Variants in FIG4 observed in about 807,000 individuals in gnomAD.
FIG4 encodes the protein polyphosphoinositide phosphatase.
Under a neutral mutation model 118.6 loss-of-function variants are expected in FIG4, and 112 were observed. The observed-to-expected ratio is 0.94, with a 90% CI of 0.81 to 1.11. The LOEUF is 1.11. Among genes scored for constraint, FIG4 ranks in the 50% least tolerant of loss-of-function variants. The probability of loss-of-function intolerance (pLI) is 0.00; values close to 1 mark genes in which losing one functional copy is unlikely to be tolerated. For missense variants in FIG4, 969 were observed against 1,111.7 expected (o/e 0.87, Z 1.83); for synonymous variants, 369 against 381.2 (o/e 0.97, Z 0.37).
intron 1 of FIG4, among the ~76,000 whole-genome samples, chr6:109,703,100 T>A (rs1331139465): frequency 3.9e-5 from 3 of 76,014 alleles, no homozygotes; most frequent in African/African-American, 1.1e-4. Context: ...TAGAAGTTCA[T>A]TTTTTTTTTA....
chr6:109,752,739 G>T (rs1291545157), intron 10 of FIG4, among the ~76,000 whole-genome samples: 1 of 152,108 alleles, frequency 6.6e-6, no homozygotes, highest in Non-Finnish European at 1.5e-5. Flanking sequence ...CTAGATATTA[G>T]CCCTTAGTCA....
intron 1 of FIG4, among the ~76,000 whole-genome samples, chr6:109,713,442 A>G (rs1207626601): frequency 6.6e-6 from 1 of 152,092 alleles, no homozygotes; most frequent in Non-Finnish European, 1.5e-5. Context: ...GTGGTCACTG[A>G]GGGCTGGGGA....
In FIG4 at chr6:109,817,562, AGT is replaced by A. The variant is rs200759123; in HGVS notation, c.2547-7521_2547-7520del. On this transcript the variant is annotated intron_variant, in intron 22 of 22. Transcript: ENST00000230124. The stretch of plus-strand genomic sequence containing the variant: ...CCTTTTTATTTTACAGCTCTCAGAG[AGT>A]GTGTAAAAAAAAAAAAAAAGAGTAT... Among the ~76,000 whole-genome samples, 547 of 134,140 alleles carry A rather than the reference AGT, an allele frequency of 4.1e-3. 6 individuals carry two copies. Among genetic ancestry groups the A allele is most frequent in the African/African-American group, 4.7e-3 (188 of 39,956 alleles). 88.0% of individuals were successfully genotyped at this position (134,140 alleles called of 152,430 possible).
chr6:109,697,553 CAG>C (rs1473830176), intron 1 of FIG4, among the ~76,000 whole-genome samples: 1 of 152,118 alleles, frequency 6.6e-6, no homozygotes, highest in Non-Finnish European at 1.5e-5. Context: ...CTGCTTCATC[CAG>C]AGAGAGTTAT....
At position 109,791,546 on chromosome 6, in the gene FIG4, C is replaced by G. The variant is rs1778138677; in HGVS notation, c.2351C>G (p.Ala784Gly). 2.5e-6 allele frequency: 4 copies of G among 1,613,918 alleles called. No homozygotes were observed. In the East Asian group the frequency reaches 6.7e-5, roughly 27 times the overall value. ...TCCACTCCCGTGAAGATGACTGATGCAGGAGACAGTGCCAAAGTGACCGAG... is the reference window on the plus strand; with the variant it reads ...TCCACTCCCGTGAAGATGACTGATGGAGGAGACAGTGCCAAAGTGACCGAG... ...QRSTPVKMTD[A>G]GDSAKVTENV... Residue 784 changes from alanine to glycine, a missense_variant, in exon 20 of 23, where the codon GCA (alanine) becomes GGA (glycine). Physicochemically the swap from Ala to Gly is moderately conservative, Grantham distance 60. This residue lies in a region of FIG4 where 330 missense variants were observed against 348.1 expected (regional missense o/e 0.95). Coordinates refer to ENST00000230124, the MANE Select transcript of FIG4 (RefSeq NM_014845.6).
rs575078176 is a variant in FIG4, at chr6:109,709,320, C to T, written c.67-5758C>T. On this transcript the variant is annotated intron_variant, in intron 1 of 22. Transcript: ENST00000230124. ...TTCTCTATTCTGTTCTATTGGTCTGCGTGTCTGTTTTTGTACCAGTACCAT... is the reference window on the plus strand; with the variant it reads ...TTCTCTATTCTGTTCTATTGGTCTGTGTGTCTGTTTTTGTACCAGTACCAT... Among the ~76,000 whole-genome samples the T allele has an allele frequency of 1.4e-4, 22 of 152,088 alleles. No individual in the cohort carries two copies. In the South Asian group the frequency reaches 4.4e-3, roughly 30 times the overall value.
At chr6:109,724,961 A>G (rs1262589636) in intron 3 of FIG4, among the ~76,000 whole-genome samples, 2 of 152,096 alleles carry the variant, frequency 1.3e-5, no homozygotes, top group African/African-American at 4.8e-5. Flanking sequence ...TTTTTCATCT[A>G]TGCAAAACTA....
chr6:109,816,029 A>G (rs1476389090), intron 22 of FIG4, among the ~76,000 whole-genome samples: 1 of 152,204 alleles, frequency 6.6e-6, no homozygotes, highest in Non-Finnish European at 1.5e-5. Flanking sequence ...AGATAAAAAA[A>G]TACAGAATCC....
chr6:109,731,221 T>C (rs1200552929), intron 4 of FIG4, among the ~76,000 whole-genome samples: 5 of 152,210 alleles, frequency 3.3e-5, no homozygotes, highest in African/African-American at 9.6e-5. Context: ...TTGTATACTA[T>C]GAGTTATACA....
rs1029597509 is a variant in FIG4 at position 109,787,868 on chromosome 6, T to G, written c.2096+1419T>G. Among the ~76,000 whole-genome samples, 3 of 152,326 alleles carry G rather than the reference T, an allele frequency of 2.0e-5. No homozygotes were observed. The South Asian group carries it at 6.2e-4, about 32-fold the overall frequency. On this transcript the variant is annotated intron_variant, in intron 18 of 22. Coordinates refer to ENST00000230124, the MANE Select transcript of FIG4 (RefSeq NM_014845.6). ...TCAATACATAACCTAGTTTTGTGTA[T>G]GTTTTTGTTTAAAGACAGAAACGTA...
Position 109,825,323 on chromosome 6 carries a change from C to T in FIG4, c.*58C>T, listed in dbSNP as rs1195068013. On this transcript the variant is annotated 3_prime_UTR_variant, in exon 23 of 23. Coordinates refer to ENST00000230124, the MANE Select transcript of FIG4 (RefSeq NM_014845.6). ...GATTAGCTTAGAACCTGTCTTGTCTCATCTTCAAAAGGTAACTTATTAAAA... is the reference window on the plus strand; with the variant it reads ...GATTAGCTTAGAACCTGTCTTGTCTTATCTTCAAAAGGTAACTTATTAAAA... The T allele has an allele frequency of 2.0e-6, 3 of 1,511,902 alleles. No individual in the cohort carries two copies. Among genetic ancestry groups the T allele is most frequent in the East Asian group, 2.3e-5 (1 of 44,200 alleles). The allele number at this position is 1,511,902 out of a possible 1,614,324, so 93.7% of individuals were successfully genotyped here.
intron 15 of FIG4, among the ~76,000 whole-genome samples, chr6:109,773,958 G>A (rs532851646): frequency 6.6e-6 from 1 of 152,120 alleles, no homozygotes; most frequent in East Asian, 1.9e-4. Flanking sequence ...ATAGGCGTGT[G>A]CCACCATGCC....
chr6:109,777,937 C>T (rs543411327), intron 16 of FIG4, among the ~76,000 whole-genome samples: 4 of 152,300 alleles, frequency 2.6e-5, no homozygotes, highest in Admixed American at 2.0e-4. Flanking sequence ...TGCCTGGACA[C>T]ACCTCACAGA....
intron 22 of FIG4, among the ~76,000 whole-genome samples, chr6:109,806,457 ATGTGCACACATG>A (rs1419332557): frequency 6.6e-6 from 1 of 151,862 alleles, no homozygotes; most frequent in Non-Finnish European, 1.5e-5. Flanking sequence ...ATGCCCCATA[ATGTGCACACATG>A]TGTGCACACA....
chr6:109,786,823 C>A (rs1777973573), intron 18 of FIG4, among the ~76,000 whole-genome samples: 1 of 152,094 alleles, frequency 6.6e-6, no homozygotes, highest in Non-Finnish European at 1.5e-5. Flanking sequence ...TCAGCCACTT[C>A]CTGTGTGACC....
At chr6:109,721,364 G>A (rs1433630641) in intron 3 of FIG4, among the ~76,000 whole-genome samples, 1 of 152,036 alleles carries the variant, frequency 6.6e-6, no homozygotes, top group Non-Finnish European at 1.5e-5. Flanking sequence ...TCTCAGTGGA[G>A]GCTTTCAAGA....
chr6:109,742,323 G>C (rs751667233), intron 8 of FIG4, among the ~76,000 whole-genome samples: 3 of 151,960 alleles, frequency 2.0e-5, no homozygotes, highest in Non-Finnish European at 2.9e-5. Flanking sequence ...TCCTTTTTCT[G>C]TTCATCGCTA....
rs1774683688 is a variant in FIG4 at position 109,695,518 on chromosome 6, T to A, written c.66+4017T>A. 2.0e-5 allele frequency among the ~76,000 whole-genome samples: 3 copies of A among 152,028 alleles called. No homozygotes were observed. In the South Asian group the frequency reaches 6.2e-4, roughly 32 times the overall value. On this transcript the variant is annotated intron_variant, in intron 1 of 22. Transcript: ENST00000230124. ...GTTGGCTGACTCTCTCAAAACACTC[T>A]CATAATAAGCAGATACTGTTCTTTA...
intron 3 of FIG4, among the ~76,000 whole-genome samples, chr6:109,717,039 A>G (rs995091302): frequency 6.6e-6 from 1 of 150,710 alleles, no homozygotes; most frequent in Non-Finnish European, 1.5e-5. Flanking sequence ...TCACTGAGAA[A>G]CTTTGGTTTC....
Sources: allele counts gnomAD v4.1 joint callset (sites outside exome capture counted in the v4.1 genomes callset), GRCh38; gene constraint gnomAD v4.1.1; regional missense constraint gnomAD v4.1.1; transcripts MANE v1.5; gene names NCBI Gene and HGNC (gene_info 2026-07-23, HGNC 2026-07-21).